The following VPS13B variants were observed in gnomAD, a reference collection of about 807,000 sequenced individuals.
VPS13B encodes vacuolar protein sorting 13 homolog B.
A neutral mutation model predicts 426.4 loss-of-function variants in VPS13B; 285 were observed. The observed-to-expected ratio is 0.67, with a 90% CI of 0.61 to 0.74. The LOEUF is 0.74. Ranked by LOEUF, VPS13B falls within the 30% of genes least tolerant of loss-of-function variation. The probability of loss-of-function intolerance (pLI) is 0.00; values close to 1 mark genes in which losing one functional copy is unlikely to be tolerated. For synonymous variants in VPS13B, 1,676 were observed against 1,676.4 expected (o/e 1.00, Z 0.01); for missense variants, 4,537 against 4,782.6 (o/e 0.95, Z 1.51).
At chr8:99,644,017 A>G (rs1356535943) in intron 34 of VPS13B, among the ~76,000 whole-genome samples, 1 of 152,188 alleles carries the variant, frequency 6.6e-6, no homozygotes, top group Non-Finnish European at 1.5e-5. Context: ...TCAGCCCTTC[A>G]TTAAGTTCAC....
chr8:99,313,257 T>A (rs1374004582), intron 19 of VPS13B, among the ~76,000 whole-genome samples: 1 of 152,222 alleles, frequency 6.6e-6, no homozygotes, highest in Non-Finnish European at 1.5e-5. Context: ...ATTTTTAGAA[T>A]TTTCAGCTTT....
intron 23 of VPS13B, among the ~76,000 whole-genome samples, chr8:99,459,932 A>T (rs1053766269): frequency 1.3e-5 from 2 of 152,030 alleles, no homozygotes; most frequent in African/African-American, 4.8e-5. Context: ...CAGCTTTCTT[A>T]TGGTTGTGGT....
intron 33 of VPS13B, among the ~76,000 whole-genome samples, chr8:99,635,540 A>G (rs1829034608): frequency 6.6e-6 from 1 of 152,030 alleles, no homozygotes; most frequent in South Asian, 2.1e-4. Flanking sequence ...ATTAAAACAC[A>G]TAATTTTAAT....
rs568029997 is a variant in VPS13B, at chr8:99,348,818, A to G, written c.2825-35390A>G. Among the ~76,000 whole-genome samples, 3 of 152,302 alleles carry G rather than the reference A, an allele frequency of 2.0e-5. No homozygotes were observed. The East Asian group carries it at 5.8e-4, about 29-fold the overall frequency. ...ATAATTTTAATGATACAATGTTAAT[A>G]TATAGTTAAAATAATTTATTTTTTT... On this transcript the variant is annotated intron_variant, in intron 19 of 61. Coordinates refer to ENST00000357162, the MANE Select transcript of VPS13B (RefSeq NM_152564.5).
chr8:99,059,785 T>C (rs1844080558), intron 3 of VPS13B, among the ~76,000 whole-genome samples: 1 of 143,956 alleles, frequency 6.9e-6, no homozygotes, highest in East Asian at 2.0e-4. Context: ...CAGGCTGCAG[T>C]GCAGTGGTGT....
chr8:99,601,716 A>T (rs1051943442), intron 33 of VPS13B, among the ~76,000 whole-genome samples: 1 of 152,212 alleles, frequency 6.6e-6, no homozygotes, highest in African/African-American at 2.4e-5. Context: ...ATGATATCTC[A>T]TTGTGGTTTT....
chr8:99,152,679 A>C (rs1488472589), intron 14 of VPS13B, among the ~76,000 whole-genome samples: 4 of 152,158 alleles, frequency 2.6e-5, no homozygotes, highest in African/African-American at 9.7e-5. Flanking sequence ...GTCTTTAGGC[A>C]CATCCATGTT....
intron 31 of VPS13B, among the ~76,000 whole-genome samples, chr8:99,560,578 G>A (rs573902888): frequency 2.6e-5 from 4 of 152,282 alleles, no homozygotes; most frequent in East Asian, 1.9e-4. Context: ...GTGATTGAAT[G>A]TGCCCCTGAG....
chr8:99,219,253 C>T (rs771632386), intron 17 of VPS13B, among the ~76,000 whole-genome samples: 23 of 152,182 alleles, frequency 1.5e-4, no homozygotes, highest in Non-Finnish European at 2.8e-4. Flanking sequence ...ATTTTGCCTA[C>T]TGAGTTATGC....
chr8:99,240,984 A>G (rs1307561424), intron 17 of VPS13B: 1 of 152,410 alleles, frequency 6.6e-6, no homozygotes, highest in Non-Finnish European at 1.5e-5. Context: ...CCTGACAAAT[A>G]GCTGTAGTAT....
chr8:99,630,400 CA>C (rs945295797), intron 33 of VPS13B, among the ~76,000 whole-genome samples: 6 of 152,100 alleles, frequency 3.9e-5, no homozygotes, highest in African/African-American at 1.4e-4. Context: ...GCCATTTCAA[CA>C]AGTCCAAATC....
chr8:99,184,272 G>T (rs1358637109), intron 16 of VPS13B, among the ~76,000 whole-genome samples: 2 of 152,100 alleles, frequency 1.3e-5, no homozygotes, highest in Non-Finnish European at 2.9e-5. Flanking sequence ...GTAAATTTAT[G>T]TTTAACTTTT....
intron 2 of VPS13B, among the ~76,000 whole-genome samples, chr8:99,018,022 G>T (rs1406617911): frequency 1.3e-5 from 2 of 152,068 alleles, no homozygotes; most frequent in Non-Finnish European, 2.9e-5. Flanking sequence ...ACTTTTTAGA[G>T]AAATTTTGCA....
intron 29 of VPS13B, among the ~76,000 whole-genome samples, chr8:99,514,122 T>G (rs1821933910): frequency 6.6e-6 from 1 of 152,224 alleles, no homozygotes; most frequent in Non-Finnish European, 1.5e-5. Context: ...CCTACATGAC[T>G]GACTTGTTTT....
chr8:99,099,314 A>G (rs951618006), intron 4 of VPS13B, among the ~76,000 whole-genome samples: 4 of 152,162 alleles, frequency 2.6e-5, no homozygotes, highest in Admixed American at 6.5e-5. Flanking sequence ...TAAATTTCCT[A>G]TCTGATGCTA....
intron 55 of VPS13B, 110 bp downstream of exon 55, chr8:99,849,004 T>A: frequency 1.9e-6 from 2 of 1,041,966 alleles, no homozygotes; most frequent in Non-Finnish European, 3.0e-6. Flanking sequence ...AGCTTTTGGT[T>A]AATTATCATG....
chr8:99,268,226 G>T (rs886104888), intron 17 of VPS13B, among the ~76,000 whole-genome samples: 1 of 152,202 alleles, frequency 6.6e-6, no homozygotes, highest in African/African-American at 2.4e-5. Context: ...GGGCAGTGTG[G>T]AAGGGAAATG....
chr8:99,459,066 G>T (rs1818690156), intron 23 of VPS13B, among the ~76,000 whole-genome samples: 1 of 152,156 alleles, frequency 6.6e-6, no homozygotes, highest in Non-Finnish European at 1.5e-5. Flanking sequence ...TAACATTTAA[G>T]TCCATTGTGG....
At chr8:99,223,664 T>C (rs944796097) in intron 17 of VPS13B, among the ~76,000 whole-genome samples, 1 of 152,144 alleles carries the variant, frequency 6.6e-6, no homozygotes, top group Non-Finnish European at 1.5e-5. Context: ...AGTAATAAAG[T>C]TGGTATACAA....
Sources: gnomAD v4.1 joint callset for allele counts (sites outside exome capture counted in the v4.1 genomes callset) on GRCh38, gnomAD v4.1.1 for gene constraint, MANE v1.5 for transcripts, NCBI Gene and HGNC (gene_info 2026-07-23, HGNC 2026-07-21) for gene names.